The following MED19 variants were observed in gnomAD, a reference collection of about 807,000 sequenced individuals.
The protein encoded by MED19 is mediator of RNA polymerase II transcription subunit 19.
Under a neutral mutation model 19.9 loss-of-function variants are expected in MED19, and 4 were observed. The ratio of observed to expected loss-of-function variants is 0.20; its 90% CI spans 0.10 to 0.46. The LOEUF is 0.46. Among genes scored for constraint, MED19 ranks in the 20% least tolerant of loss-of-function variants. The pLI, the probability that MED19 is intolerant of heterozygous loss-of-function variation, is 0.99. For synonymous variants in MED19, 139 were observed against 119.6 expected (o/e 1.16, Z -1.06); for missense variants, 303 against 318.7 (o/e 0.95, Z 0.38).
At chr11:57,704,676 T>C (rs962737005) in intron 3 of MED19, 43 bp downstream of exon 3, 1 of 1,522,534 alleles carries the variant, frequency 6.6e-7, no homozygotes, top group East Asian at 2.3e-5. Context: ...CAGGTTTTTT[T>C]TTTTTTTTTT....
chr11:57,703,727 AT>A (rs570253487), exon 5 of MED19: 10,004 of 249,026 alleles, frequency 0.04, 1 homozygote, highest in Middle Eastern at 0.058. Flanking sequence ...GATAAATGTA[AT>A]TTTTTTTTTT....
chr11:57,712,189 C>G (rs1946644251), exon 1 of MED19: 1 of 1,510,638 alleles, frequency 6.6e-7, no homozygotes. Context: ...TCGTACCCTC[C>G]GCCCCGGCGC....
At chr11:57,710,425 T>C (rs558405739) in intron 1 of MED19, among the ~76,000 whole-genome samples, 10 of 152,226 alleles carry the variant, frequency 6.6e-5, no homozygotes, top group African/African-American at 2.4e-4. Flanking sequence ...TACTGCTTTA[T>C]AAAAGCCTCT....
intron 1 of MED19, among the ~76,000 whole-genome samples, chr11:57,709,911 C>A (rs1222859153): frequency 1.3e-5 from 2 of 152,188 alleles, no homozygotes; most frequent in Admixed American, 1.3e-4. Context: ...ATCCTGTATC[C>A]ATTTACTTCT....
At chr11:57,704,352 CTTT>C in exon 4 of MED19, 1 of 1,536,088 alleles carries the variant, frequency 6.5e-7, no homozygotes, top group Non-Finnish European at 8.7e-7. Context: ...GGATCCTCTT[CTTT>C]TTTCTTTTTC....
exon 5 of MED19, chr11:57,703,727 A>AT (rs570253487): frequency 0.039 from 9,763 of 251,350 alleles, 4 homozygotes; most frequent in East Asian, 0.076. Flanking sequence ...GATAAATGTA[A>AT]TTTTTTTTTT....
intron 1 of MED19, among the ~76,000 whole-genome samples, chr11:57,710,874 T>A (rs114036489): frequency 2.0e-5 from 3 of 152,166 alleles, no homozygotes; most frequent in African/African-American, 7.2e-5. Context: ...CTTGTATATT[T>A]TGTAGAGACT....
chr11:57,704,669 GTTTTTTTTTTTTTT>G (rs34198151), intron 3 of MED19, 36 bp downstream of exon 3: 9 of 1,287,748 alleles, frequency 7.0e-6, no homozygotes, highest in South Asian at 1.4e-5. Flanking sequence ...AGAAGGTCAG[GTTTTTTTTTTTTTT>G]TTTTTTTTTT....
At chr11:57,703,807 C>T in exon 5 of MED19, 1 of 498,342 alleles carries the variant, frequency 2.0e-6, no homozygotes, top group Non-Finnish European at 3.4e-6. Flanking sequence ...AAATTGTAAG[C>T]TTCCTGGGAG....
At chr11:57,705,117 A>T in exon 2 of MED19, 1 of 1,614,202 alleles carries the variant, frequency 6.2e-7, no homozygotes, top group Non-Finnish European at 8.5e-7. Context: ...CTGGCAGGTC[A>T]GGCAGGAAGT....
At chr11:57,711,096 G>T (rs530204760) in intron 1 of MED19, among the ~76,000 whole-genome samples, 1 of 152,230 alleles carries the variant, frequency 6.6e-6, no homozygotes, top group Non-Finnish European at 1.5e-5. Context: ...AAAAAGGCAA[G>T]CATCTTGTCA....
chr11:57,710,279 A>C (rs1353099732), intron 1 of MED19, among the ~76,000 whole-genome samples: 1 of 152,176 alleles, frequency 6.6e-6, no homozygotes, highest in Non-Finnish European at 1.5e-5. Context: ...GGACGACAGC[A>C]TGAGCCTAGG....
intron 1 of MED19, among the ~76,000 whole-genome samples, chr11:57,706,219 C>G (rs770259975): frequency 6.6e-6 from 1 of 152,086 alleles, no homozygotes; most frequent in African/African-American, 2.4e-5. Context: ...ACGATCTTGG[C>G]TCACTGCAAC....
chr11:57,704,927 C>T, intron 2 of MED19, 46 bp downstream of exon 2: 1 of 1,604,476 alleles, frequency 6.2e-7, no homozygotes, highest in Non-Finnish European at 8.5e-7. Flanking sequence ...AAACCATCTC[C>T]ATGTTTAGGC....
At chr11:57,705,934 C>T (rs952880969) in intron 1 of MED19, among the ~76,000 whole-genome samples, 4 of 151,602 alleles carry the variant, frequency 2.6e-5, no homozygotes, top group African/African-American at 9.7e-5. Context: ...CCTTGCAGCT[C>T]AGCTACAACC....
At chr11:57,704,698 T>TTTTTTTTTTTTATA in intron 3 of MED19, 21 bp downstream of exon 3, 1 of 1,573,014 alleles carries the variant, frequency 6.4e-7, no homozygotes, top group Non-Finnish European at 8.6e-7. Context: ...TTTTTTTGCT[T>TTTTTTTTTTTTATA]TGAATAGAAC....
intron 1 of MED19, 87 bp downstream of exon 1, chr11:57,711,876 C>G (rs1946625512): frequency 7.4e-7 from 1 of 1,353,784 alleles, no homozygotes; most frequent in South Asian, 1.8e-5. Context: ...TAGGTTACCT[C>G]GCACCTCCGC....
At chr11:57,707,440 C>T (rs1327520136) in intron 1 of MED19, among the ~76,000 whole-genome samples, 2 of 152,128 alleles carry the variant, frequency 1.3e-5, no homozygotes, top group Non-Finnish European at 2.9e-5. Context: ...CTGTAAGCTC[C>T]TTGGAGGCAC....
At chr11:57,711,721 G>C (rs912671337) in intron 1 of MED19, among the ~76,000 whole-genome samples, 3 of 152,176 alleles carry the variant, frequency 2.0e-5, no homozygotes, top group African/African-American at 7.2e-5. Context: ...GCAAAAGACA[G>C]TAACGGAGAT....
Sources: gnomAD v4.1 joint callset for allele counts (sites outside exome capture counted in the v4.1 genomes callset) on GRCh38, gnomAD v4.1.1 for gene constraint, MANE v1.5 for transcripts, NCBI Gene and HGNC (gene_info 2026-07-23, HGNC 2026-07-21) for gene names.